ABR: variants seen among roughly 807,000 people sequenced by gnomAD.
The protein encoded by ABR is ABR activator of RhoGEF and GTPase.
A neutral mutation model predicts 107.2 loss-of-function variants in ABR; 35 were observed. The observed-to-expected ratio is 0.33, with a 90% confidence interval of 0.25 to 0.43. ABR has a LOEUF of 0.43. Ranked by LOEUF, ABR falls within the 20% of genes least tolerant of loss-of-function variation. ABR has a pLI of 1.00. For missense variants in ABR, 815 were observed against 1,115.2 expected (o/e 0.73, Z 3.83); for synonymous variants, 498 against 462.0 (o/e 1.08, Z -1.00).
At chr17:1,223,601 T>A (rs1477009943) in intron 1 of ABR, among the ~76,000 whole-genome samples, 1 of 152,106 alleles carries the variant, frequency 6.6e-6, no homozygotes, top group Non-Finnish European at 1.5e-5. Flanking sequence ...ACAGCACCTG[T>A]ATTTGTCCGT....
At chr17:1,202,401 C>G (rs1482419933) in intron 1 of ABR, among the ~76,000 whole-genome samples, 7 of 152,222 alleles carry the variant, frequency 4.6e-5, no homozygotes, top group Admixed American at 4.6e-4. Flanking sequence ...TCTCCAACCT[C>G]TTATTACTCA....
chr17:1,181,974 G>A (rs1435777554), upstream of ABR: 1 of 152,220 alleles, frequency 6.6e-6, no homozygotes, highest in Non-Finnish European at 1.5e-5. Context: ...TATCTACAAA[G>A]GCTTGAACAA....
chr17:1,014,787 A>C (rs1315853878), intron 16 of ABR, among the ~76,000 whole-genome samples: 1 of 151,846 alleles, frequency 6.6e-6, no homozygotes, highest in Non-Finnish European at 1.5e-5. Flanking sequence ...TGGAGGTTGC[A>C]GTGAGCGGAG....
intron 2 of ABR, among the ~76,000 whole-genome samples, chr17:1,112,809 T>A (rs2038755167): frequency 6.6e-6 from 1 of 152,080 alleles, no homozygotes; most frequent in Admixed American, 6.6e-5. Flanking sequence ...TAAATCTCAG[T>A]CTCCAATGGT....
chr17:1,178,561 T>C (rs1167421105), intron 1 of ABR, among the ~76,000 whole-genome samples: 1 of 49,114 alleles, frequency 2.0e-5, no homozygotes, highest in African/African-American at 8.3e-5. Context: ...CGAGACTCCG[T>C]CTCAAAAAAA....
chr17:1,013,186 G>A (rs1211705352), intron 16 of ABR, 22 bp from the exon 17 acceptor site: 1 of 1,612,630 alleles, frequency 6.2e-7, no homozygotes, highest in Non-Finnish European at 8.5e-7. Flanking sequence ...GAATGTGGGT[G>A]AGAGAGGTGC....
intron 1 of ABR, among the ~76,000 whole-genome samples, chr17:1,220,608 C>T (rs1022721721): frequency 1.3e-5 from 2 of 152,090 alleles, no homozygotes; most frequent in Non-Finnish European, 2.9e-5. Flanking sequence ...CCAAATCTGC[C>T]CCAACACCTG....
intron 1 of ABR, among the ~76,000 whole-genome samples, chr17:1,197,308 A>C (rs1354971086): frequency 6.6e-6 from 1 of 151,546 alleles, no homozygotes; most frequent in Non-Finnish European, 1.5e-5. Context: ...CCTCCACTTA[A>C]TGCTGGAGTG....
intron 18 of ABR, 115 bp from the exon 19 acceptor site, chr17:1,012,100 T>G (rs778250561): frequency 6.5e-7 from 1 of 1,538,026 alleles, no homozygotes; most frequent in Non-Finnish European, 8.9e-7. Flanking sequence ...GATGGAGAGC[T>G]GGGGCGGGGG....
intron 1 of ABR, among the ~76,000 whole-genome samples, chr17:1,202,926 C>T (rs1007553794): frequency 1.3e-5 from 2 of 149,960 alleles, no homozygotes; most frequent in Admixed American, 6.7e-5. Flanking sequence ...TTGCTCTGTC[C>T]CCCAGGCTAC....
At chr17:1,044,063 G>C (rs868692707) in intron 16 of ABR, among the ~76,000 whole-genome samples, 1 of 152,258 alleles carries the variant, frequency 6.6e-6, no homozygotes, top group Non-Finnish European at 1.5e-5. Context: ...CGGACCCTGG[G>C]AATATGCTAA....
intron 21 of ABR, among the ~76,000 whole-genome samples, chr17:1,007,785 G>A (rs921183570): frequency 4.6e-5 from 7 of 152,216 alleles, no homozygotes; most frequent in African/African-American, 1.2e-4. Flanking sequence ...TTTGAACCCC[G>A]GTAGCTGCCT....
rs138764017 is a variant in ABR at position 1,013,056 on chromosome 17, C to T, written c.1851+49G>A. ...CCGGGCTGCCCACCTGCTGCACAGA[C>T]GTTCCACCTCCCGGCTCACGCCACT... On this transcript the variant is annotated intron_variant, in intron 17 of 22. Transcript: ENST00000302538. 7.0e-4 allele frequency: 1,124 copies of T among 1,604,472 alleles called. 6 individuals are homozygous for T. The African/African-American group carries it at 0.013, about 18-fold the overall frequency.
intron 9 of ABR, among the ~76,000 whole-genome samples, chr17:1,069,534 T>C (rs1742475894): frequency 6.6e-6 from 1 of 152,040 alleles, no homozygotes; most frequent in Non-Finnish European, 1.5e-5. Flanking sequence ...CATGGTGGCA[T>C]GGTGGCGTGC....
At chr17:1,198,541 G>T (rs576138267) in intron 1 of ABR, among the ~76,000 whole-genome samples, 1 of 151,390 alleles carries the variant, frequency 6.6e-6, no homozygotes, top group African/African-American at 2.4e-5. Flanking sequence ...TCAGGAGTTC[G>T]AGACCAGCCT....
Position 1,157,244 on chromosome 17 carries a change from C to T in ABR, c.61+22423G>A, listed in dbSNP as rs926247544. On this transcript the variant is annotated intron_variant, in intron 1 of 22. Coordinates refer to ENST00000302538, the MANE Select transcript of ABR (RefSeq NM_021962.5). The surrounding 1 kb of genome is among the most constrained non-coding windows in gnomAD (Gnocchi z 4.7). Reference sequence around the variant, plus strand: ...ACTAAGTCAGTCGTGCTACAGCGCACATTACTTTTTTTTTTTTTTTTTTTG... The same window carrying T: ...ACTAAGTCAGTCGTGCTACAGCGCATATTACTTTTTTTTTTTTTTTTTTTG... 8.4e-5 allele frequency among the ~76,000 whole-genome samples: 12 copies of T among 142,028 alleles called. No homozygotes were observed. In the South Asian group the frequency reaches 1.7e-3, roughly 20 times the overall value. 93.2% of individuals were successfully genotyped at this position (142,028 alleles called of 152,430 possible).
intron 1 of ABR, among the ~76,000 whole-genome samples, chr17:1,171,788 G>A (rs779201787): frequency 6.6e-5 from 10 of 152,242 alleles, no homozygotes; most frequent in East Asian, 1.9e-4. Context: ...AAAATTAGCC[G>A]GGCGTGGTGG....
In ABR at chr17:1,109,175, G is replaced by A. The variant is rs1207512047; in HGVS notation, c.247-8440C>T. ...CGGGAGGGGGGGCAGGTCTACACCC[G>A]CGCGCCCGGCCTGGGGCTCCCGACC... On this transcript the variant is annotated intron_variant, in intron 2 of 22. Transcript: ENST00000302538. The A allele has an allele frequency of 4.4e-6, 6 of 1,367,230 alleles. No individual in the cohort carries two copies. The East Asian group carries it at 1.2e-4, about 27-fold the overall frequency. The allele number at this position is 1,367,230 out of a possible 1,614,324, so 84.7% of individuals were successfully genotyped here.
intron 16 of ABR, among the ~76,000 whole-genome samples, chr17:1,014,135 A>G (rs971988870): frequency 6.6e-6 from 1 of 152,122 alleles, no homozygotes; most frequent in African/African-American, 2.4e-5. Flanking sequence ...TGATACCCAC[A>G]CTCATCCATT....
Sources: gnomAD v4.1 joint callset for allele counts (sites outside exome capture counted in the v4.1 genomes callset) on GRCh38, gnomAD v4.1.1 for gene constraint, Gnocchi (gnomAD v3.1) non-coding constraint, MANE v1.5 for transcripts, NCBI Gene and HGNC (gene_info 2026-07-23, HGNC 2026-07-21) for gene names.